The following RAPGEF5 variants were observed in gnomAD, a reference collection of about 807,000 sequenced individuals.
RAPGEF5 encodes Rap guanine nucleotide exchange factor 5.
A neutral mutation model predicts 125.2 loss-of-function variants in RAPGEF5; 65 were observed. That is an observed-to-expected ratio of 0.52 (90% CI 0.43 to 0.64). The LOEUF is 0.64. Among genes scored for constraint, RAPGEF5 ranks in the 30% least tolerant of loss-of-function variants. The probability of loss-of-function intolerance (pLI) is 0.00; values close to 1 mark genes in which losing one functional copy is unlikely to be tolerated. For missense variants in RAPGEF5, 958 were observed against 1,048.1 expected, an observed-to-expected ratio of 0.91 and a Z score of 1.19; for synonymous variants, 391 against 385.9, an observed-to-expected ratio of 1.01 and a Z score of -0.16.
chr7:22,280,424 C>G (rs1046208487), intron 6 of RAPGEF5, among the ~76,000 whole-genome samples: 16 of 152,116 alleles, frequency 1.1e-4, no homozygotes, highest in African/African-American at 3.9e-4. Flanking sequence ...TTCCCATGCT[C>G]AGGTTGGGGG....
At position 22,316,482 on chromosome 7, in the gene RAPGEF5, TATA is replaced by T. The variant is rs1209597603; in HGVS notation, c.283-1009_283-1007del. ...AGACATATATATATATATATATATA[TATA>T]TATATTTTTTTTTTTTTTTTTTTGA... On this transcript the variant is annotated intron_variant, in intron 2 of 25. Transcript: ENST00000665637. 7.0e-3 allele frequency among the ~76,000 whole-genome samples: 331 copies of T among 47,340 alleles called. 2 individuals are homozygous for T. Among genetic ancestry groups the T allele is most frequent in the East Asian group, 0.016 (18 of 1,146 alleles). 31.1% of individuals were successfully genotyped at this position (47,340 alleles called of 152,430 possible).
intron 24 of RAPGEF5, 147 bp from the exon 25 acceptor site, chr7:22,125,805 T>C (rs1360824412): frequency 2.7e-6 from 2 of 736,868 alleles, no homozygotes; most frequent in South Asian, 1.7e-5. Flanking sequence ...GTAGCTTTGA[T>C]TCTATGGAGC....
At chr7:22,263,122 G>A (rs1243563448) in intron 7 of RAPGEF5, among the ~76,000 whole-genome samples, 1 of 152,178 alleles carries the variant, frequency 6.6e-6, no homozygotes, top group Non-Finnish European at 1.5e-5. Flanking sequence ...GACAGAAATA[G>A]AGAACAGATT....
At chr7:22,299,408 T>C (rs915336677) in intron 5 of RAPGEF5, among the ~76,000 whole-genome samples, 5 of 152,178 alleles carry the variant, frequency 3.3e-5, no homozygotes, top group African/African-American at 9.6e-5. Flanking sequence ...TATTATTGTA[T>C]ATGCCTCTTT....
At chr7:22,307,851 C>G (rs1055553034) in intron 5 of RAPGEF5, among the ~76,000 whole-genome samples, 2 of 152,132 alleles carry the variant, frequency 1.3e-5, no homozygotes, top group Admixed American at 1.3e-4. Context: ...GTCCTGTTCC[C>G]AAGCCTTCCC....
At chr7:22,205,245 T>C (rs1335654874) in intron 9 of RAPGEF5, among the ~76,000 whole-genome samples, 3 of 152,208 alleles carry the variant, frequency 2.0e-5, no homozygotes, top group Non-Finnish European at 2.9e-5. Context: ...GACTTTTCTG[T>C]ATTACAAAGT....
At chr7:22,189,458 C>T (rs1245636887) in intron 11 of RAPGEF5, among the ~76,000 whole-genome samples, 1 of 152,208 alleles carries the variant, frequency 6.6e-6, no homozygotes, top group South Asian at 2.1e-4. Context: ...CAGAGCAGGA[C>T]TGGCTGGGCC....
At chr7:22,194,460 G>A (rs1489704998) in intron 9 of RAPGEF5, 1 of 534,984 alleles carries the variant, frequency 1.9e-6, no homozygotes, top group Non-Finnish European at 2.4e-6. Flanking sequence ...ATACATTATT[G>A]AAACATTAAG....
intron 1 of RAPGEF5, among the ~76,000 whole-genome samples, chr7:22,349,902 C>CT (rs1784297169): frequency 6.6e-6 from 1 of 152,206 alleles, no homozygotes; most frequent in Non-Finnish European, 1.5e-5. Context: ...GAAAATACCT[C>CT]TTCCCTTCAG....
At chr7:22,154,685 T>A in intron 16 of RAPGEF5, 81 bp from the exon 17 acceptor site, 1 of 1,496,552 alleles carries the variant, frequency 6.7e-7, no homozygotes, top group South Asian at 1.3e-5. Context: ...GGCACCTTGA[T>A]CAACTTTTCT....
chr7:22,297,004 G>A (rs1381392421), intron 5 of RAPGEF5, among the ~76,000 whole-genome samples: 1 of 152,174 alleles, frequency 6.6e-6, no homozygotes, highest in Non-Finnish European at 1.5e-5. Flanking sequence ...CAGTGGAGTG[G>A]TACTGTTGAA....
chr7:22,352,513 C>A (rs537338229), intron 1 of RAPGEF5, among the ~76,000 whole-genome samples: 1 of 151,954 alleles, frequency 6.6e-6, no homozygotes, highest in Non-Finnish European at 1.5e-5. Flanking sequence ...GAATATCTTG[C>A]GTCAGAAAAG....
intron 24 of RAPGEF5, 81 bp downstream of exon 24, chr7:22,130,956 A>T: frequency 6.7e-7 from 1 of 1,503,638 alleles, no homozygotes; most frequent in Non-Finnish European, 8.9e-7. Flanking sequence ...AAGTACTAAA[A>T]CTATTTATTT....
intron 1 of RAPGEF5, among the ~76,000 whole-genome samples, chr7:22,350,986 T>C (rs1261293708): frequency 6.6e-6 from 1 of 152,222 alleles, no homozygotes; most frequent in Admixed American, 6.5e-5. Context: ...GGCAGATGCA[T>C]GCCTCTCTTA....
intron 5 of RAPGEF5, among the ~76,000 whole-genome samples, chr7:22,297,396 T>A (rs761126241): frequency 2.0e-4 from 30 of 152,162 alleles, no homozygotes; most frequent in South Asian, 2.1e-4. Context: ...AAGATAGTTT[T>A]TAAAATGTTC....
intron 8 of RAPGEF5, among the ~76,000 whole-genome samples, chr7:22,229,126 G>T (rs528277876): frequency 6.6e-6 from 1 of 152,120 alleles, no homozygotes; most frequent in Non-Finnish European, 1.5e-5. Context: ...AAGGAAGAAG[G>T]GCTGGCAGGT....
At chr7:22,338,472 T>G (rs1313196170) in intron 1 of RAPGEF5, among the ~76,000 whole-genome samples, 1 of 152,240 alleles carries the variant, frequency 6.6e-6, no homozygotes, top group Non-Finnish European at 1.5e-5. Flanking sequence ...TAAACCATAA[T>G]ACAATCAACA....
chr7:22,175,117 C>T (rs1784465777), intron 11 of RAPGEF5, among the ~76,000 whole-genome samples: 1 of 152,146 alleles, frequency 6.6e-6, no homozygotes, highest in Admixed American at 6.5e-5. Flanking sequence ...AGTCAATAGC[C>T]TCCTTTCTGT....
intron 6 of RAPGEF5, among the ~76,000 whole-genome samples, chr7:22,276,236 C>T (rs2528915): frequency 0.39 from 59,473 of 151,888 alleles, 12,140 homozygotes; most frequent in African/African-American, 0.52. Context: ...GTAGACCCAG[C>T]GTATTATTCA....
Sources: gnomAD v4.1 joint callset for allele counts (sites outside exome capture counted in the v4.1 genomes callset) on GRCh38, gnomAD v4.1.1 for gene constraint, MANE v1.5 for transcripts, NCBI Gene and HGNC (gene_info 2026-07-23, HGNC 2026-07-21) for gene names.